CERCAM: variants seen among roughly 807,000 people sequenced by gnomAD.
The protein encoded by CERCAM is cerebral endothelial cell adhesion molecule, also known as inactive glycosyltransferase 25 family member 3.
CERCAM carries 59 observed loss-of-function variants against 66.0 expected under a neutral mutation model. That is an observed-to-expected ratio of 0.89 (90% CI 0.73 to 1.11). The LOEUF is 1.11. Ranked by LOEUF, CERCAM falls within the 50% of genes most tolerant of loss-of-function variation. CERCAM has a pLI of 0.00. For missense variants in CERCAM, 840 were observed against 828.3 expected, an observed-to-expected ratio of 1.01 and a Z score of -0.17; for synonymous variants, 318 against 343.6, an observed-to-expected ratio of 0.93 and a Z score of 0.83.
intron 9 of CERCAM, among the ~76,000 whole-genome samples, chr9:128,433,806 C>G (rs1343785924): frequency 6.6e-6 from 1 of 152,210 alleles, no homozygotes; most frequent in Non-Finnish European, 1.5e-5. Context: ...GGATCATCAT[C>G]TCCTGCCTCC....
At chr9:128,430,615 T>A (rs1361730666) in intron 8 of CERCAM, 2 of 152,320 alleles carry the variant, frequency 1.3e-5, no homozygotes. Context: ...TCCCACATTC[T>A]TCCTAGAGTG....
intron 8 of CERCAM, 181 bp from the exon 9 acceptor site, chr9:128,430,990 C>A: frequency 1.5e-6 from 1 of 686,110 alleles, no homozygotes; most frequent in Non-Finnish European, 2.4e-6. Context: ...GCCTGGGCAA[C>A]AGGGGCTCCA....
At chr9:128,422,013 G>C in intron 1 of CERCAM, 1 of 152,442 alleles carries the variant, frequency 6.6e-6, no homozygotes, top group Non-Finnish European at 1.5e-5. Flanking sequence ...CCAGGAGAGG[G>C]GAGGCTGTGC....
chr9:128,434,315 T>C lies in CERCAM; in HGVS notation c.1331+86T>C. On this transcript the variant is annotated intron_variant, in intron 10 of 12. Transcript: ENST00000372838. This position sits in a 1 kb window ranked among gnomAD's most constrained non-coding sequence, Gnocchi z 4.5. The stretch of plus-strand genomic sequence containing the variant: ...CCTGCTTGGGACCCTGGCCGGCCCA[T>C]CCCCTGAGAGCCTGGCCCTGTAGGA... The C allele has an allele frequency of 1.2e-6, 2 of 1,601,274 alleles. No homozygotes were observed. The highest frequency in any genetic ancestry group is 1.7e-5 in the Admixed American group (1 of 59,460).
chr9:128,435,653 C>A lies in CERCAM; in HGVS notation c.1536C>A (p.Asn512Lys). The A allele has an allele frequency of 6.2e-7, 1 of 1,600,558 alleles. No homozygotes were observed. Among genetic ancestry groups the A allele is most frequent in the Non-Finnish European group, 8.5e-7 (1 of 1,171,170 alleles). The change falls in exon 12 of 13, where the codon AAC becomes AAA. Residue 512 changes from asparagine (N) to lysine (K), a missense_variant and splice_region_variant. Physicochemically the swap from Asn to Lys is moderately conservative, Grantham distance 94 (BLOSUM62 0). Coordinates refer to ENST00000372838, the MANE Select transcript of CERCAM (RefSeq NM_016174.5). Reference protein sequence around the residue: ...FLPIMFDQHPNEQYKAHFWPR... With the variant: ...FLPIMFDQHPKEQYKAHFWPR... ...CCTGAGCTATCCTCTCACCTTACAG[C>A]GAGCAGTACAAGGCACACTTCTGGC... is the stretch of plus-strand genomic sequence containing the variant.
At chr9:128,425,014 G>A (rs1030564937) in intron 5 of CERCAM, among the ~76,000 whole-genome samples, 2 of 128,974 alleles carry the variant, frequency 1.6e-5, no homozygotes, top group Non-Finnish European at 3.2e-5. Context: ...TGAGCCACCC[G>A]CCCAGCCAGT....
Position 128,422,957 on chromosome 9 carries a change from G to T in CERCAM, c.287G>T (p.Trp96Leu). The T allele has an allele frequency of 6.2e-7, 1 of 1,613,820 alleles. No homozygotes were observed. The highest frequency in any genetic ancestry group is 8.5e-7 in the Non-Finnish European group (1 of 1,179,998). ...GGCGATGACTATGCTGCTGTGGTCT[G>T]GAGGCCTGAGGGCGAGCCCAGGTGG... is the stretch of plus-strand genomic sequence containing the variant. ...AVGDDYAAVV[W>L]RPEGEPRFYP... The change falls in exon 2 of 13, where the codon TGG becomes TTG. Residue 96 changes from tryptophan to leucine, a missense_variant. Physicochemically the swap from Trp to Leu is moderately conservative, Grantham distance 61. Transcript: ENST00000372838.
intron 6 of CERCAM, 75 bp downstream of exon 6, chr9:128,428,496 C>T: frequency 1.3e-6 from 2 of 1,563,722 alleles, no homozygotes; most frequent in South Asian, 2.3e-5. Context: ...TTTCCCTAGG[C>T]CCTGGACGGA....
At chr9:128,435,974 CTG>C in intron 12 of CERCAM, 69 bp downstream of exon 12, 3 of 1,470,216 alleles carry the variant, frequency 2.0e-6, no homozygotes, top group Admixed American at 2.1e-5. Flanking sequence ...GATGGCATAA[CTG>C]TGTCTGGGGC....
chr9:128,423,023 T>A (rs534900047), intron 2 of CERCAM, 45 bp downstream of exon 2: 3 of 1,612,756 alleles, frequency 1.9e-6, no homozygotes, highest in Admixed American at 3.3e-5. Context: ...GGAGAACAGC[T>A]GCAGCCCAGA....
At chr9:128,429,122 A>T in intron 8 of CERCAM, 86 bp downstream of exon 8, 1 of 1,004,646 alleles carries the variant, frequency 1.0e-6, no homozygotes, top group East Asian at 2.6e-5. Flanking sequence ...GGAAAAGCAG[A>T]CAGGTTGAAT....
In CERCAM at chr9:128,434,329, G is replaced by T; in HGVS notation, c.1332-81G>T. 1 of 1,603,318 alleles carries T rather than the reference G, an allele frequency of 6.2e-7. No homozygotes were observed. The highest frequency in any genetic ancestry group is 8.5e-7 in the Non-Finnish European group (1 of 1,172,924). On this transcript the variant is annotated intron_variant, in intron 10 of 12. Coordinates refer to ENST00000372838, the MANE Select transcript of CERCAM (RefSeq NM_016174.5). This position sits in a 1 kb window ranked among gnomAD's most constrained non-coding sequence, Gnocchi z 4.5. ...TGGCCGGCCCATCCCCTGAGAGCCT[G>T]GCCCTGTAGGAGCGGGTGTGGGAGG... is the stretch of plus-strand genomic sequence containing the variant.
At position 128,434,096 on chromosome 9, in the gene CERCAM, C is replaced by T. The variant is rs532440285; in HGVS notation, c.1204-6C>T. The T allele has an allele frequency of 1.2e-6, 2 of 1,613,926 alleles. No homozygotes were observed. Among genetic ancestry groups the T allele is most frequent in the Non-Finnish European group, 1.7e-6 (2 of 1,179,922 alleles). Reference sequence around the variant, plus strand: ...GAGCCATCTCCCACCCCATTGTATGCCACAGGTGGTTGCCAGGGGCCTGGC... The same window carrying T: ...GAGCCATCTCCCACCCCATTGTATGTCACAGGTGGTTGCCAGGGGCCTGGC... On this transcript the variant is annotated splice_region_variant and splice_polypyrimidine_tract_variant and intron_variant, in intron 9 of 12. Transcript: ENST00000372838. The surrounding 1 kb of genome is among the most constrained non-coding windows in gnomAD (Gnocchi z 4.5).
At chr9:128,428,855 C>G in intron 7 of CERCAM, 22 bp downstream of exon 7, 5 of 1,613,050 alleles carry the variant, frequency 3.1e-6, no homozygotes, top group Non-Finnish European at 4.2e-6. Context: ...AGCCTGTGGG[C>G]TCGCTGTTAG....
intron 6 of CERCAM, 91 bp downstream of exon 6, chr9:128,428,512 C>T: frequency 6.7e-7 from 1 of 1,495,984 alleles, no homozygotes; most frequent in Non-Finnish European, 9.1e-7. Context: ...ACGGAGCGGG[C>T]ATTGGCCTTG....
intron 9 of CERCAM, chr9:128,432,027 G>A (rs188029807): frequency 6.6e-6 from 1 of 152,530 alleles, no homozygotes; most frequent in Admixed American, 6.5e-5. Flanking sequence ...ATGGGTTTTT[G>A]TTTTGTTTTG....
chr9:128,424,121 A>T lies in CERCAM; in HGVS notation c.427-17A>T, dbSNP rs1833778726. On this transcript the variant is annotated splice_polypyrimidine_tract_variant and intron_variant, in intron 3 of 12. Coordinates refer to ENST00000372838, the MANE Select transcript of CERCAM (RefSeq NM_016174.5). ...AGCCCAGGCAGGGCTGGAGCCTGTG[A>T]CGTCCCCTCCTCAAAGTTTGCAGAC... 4 of 1,611,942 alleles carry T rather than the reference A, an allele frequency of 2.5e-6. No individual in the cohort carries two copies. The highest frequency in any genetic ancestry group is 2.5e-6 in the Non-Finnish European group (3 of 1,178,966).
Position 128,434,559 on chromosome 9 carries a change from G to A in CERCAM, c.1481G>A (p.Arg494His), listed in dbSNP as rs201729613. ...ARKLLASQPL[R>H]RMLPVDEFLP... ...AAGCTGCTGGCCTCACAGCCTCTGC[G>A]CCGCATGCTGCCCGTGGACGAGTTC... The change falls in exon 11 of 13, where the codon CGC (arginine) becomes CAC (histidine). Residue 494 changes from arginine (R) to histidine (H), a missense_variant. Arg to His is a conservative substitution (Grantham distance 29, BLOSUM62 0). Transcript: ENST00000372838. The surrounding 1 kb of genome is among the most constrained non-coding windows in gnomAD (Gnocchi z 4.5). The A allele has an allele frequency of 9.4e-5, 151 of 1,611,528 alleles. No homozygotes were observed. Among genetic ancestry groups the A allele is most frequent in the Middle Eastern group, 6.6e-4 (4 of 6,020 alleles).
rs1834055142 is a variant in CERCAM, at chr9:128,434,350, G to GTTA, written c.1332-60_1332-59insTTA. On this transcript the variant is annotated intron_variant, in intron 10 of 12. Coordinates refer to ENST00000372838, the MANE Select transcript of CERCAM (RefSeq NM_016174.5). This position sits in a 1 kb window ranked among gnomAD's most constrained non-coding sequence, Gnocchi z 4.5. ...GCCTGGCCCTGTAGGAGCGGGTGTG[G>GTTA]GAGGGTCCCATGACACCCAGGACCT... is the stretch of plus-strand genomic sequence containing the variant. 3.1e-6 allele frequency: 5 copies of GTTA among 1,604,336 alleles called. No homozygotes were observed. In the South Asian group the frequency reaches 5.5e-5, roughly 18 times the overall value.
Sources: allele counts gnomAD v4.1 joint callset (sites outside exome capture counted in the v4.1 genomes callset), GRCh38; gene constraint gnomAD v4.1.1; non-coding constraint Gnocchi (gnomAD v3.1); transcripts MANE v1.5; gene names NCBI Gene and HGNC (gene_info 2026-07-23, HGNC 2026-07-21).